ENOX1: variants seen among roughly 807,000 people sequenced by gnomAD.
ENOX1 encodes the protein candidate growth-related and time keeping constitutive hydroquinone (NADH) oxidase.
Under a neutral mutation model 82.5 loss-of-function variants are expected in ENOX1, and 42 were observed. The ratio of observed to expected loss-of-function variants is 0.51; its 90% CI spans 0.40 to 0.66. The LOEUF (loss-of-function observed/expected upper bound fraction) is 0.66, where lower values mean the gene tolerates loss of function less well. Ranked by LOEUF, ENOX1 falls within the 30% of genes least tolerant of loss-of-function variation. The pLI, the probability that ENOX1 is intolerant of heterozygous loss-of-function variation, is 0.00. For synonymous variants in ENOX1, 271 were observed against 282.2 expected (o/e 0.96, Z 0.40); for missense variants, 608 against 811.6 (o/e 0.75, Z 3.05).
chr13:43,650,660 G>A (rs1167235035), intron 2 of ENOX1, among the ~76,000 whole-genome samples: 1 of 2,552 alleles, frequency 3.9e-4, no homozygotes, highest in African/African-American at 4.4e-4. Context: ...GCAACATGGT[G>A]AAACCCGTCT....
chr13:43,590,789 AAC>A (rs1491041566), intron 2 of ENOX1, among the ~76,000 whole-genome samples: 1 of 151,670 alleles, frequency 6.6e-6, no homozygotes, highest in Admixed American at 6.6e-5. Flanking sequence ...AAAAAAAAAA[AAC>A]ATTGAAAATG....
intron 2 of ENOX1, among the ~76,000 whole-genome samples, chr13:43,528,761 A>G (rs1324117802): frequency 6.6e-6 from 1 of 152,038 alleles, no homozygotes; most frequent in African/African-American, 2.4e-5. Flanking sequence ...GCTTCACTGT[A>G]TTACAGAATC....
At chr13:43,616,133 TCTATCTAG>T (rs2082425491) in intron 2 of ENOX1, among the ~76,000 whole-genome samples, 3 of 39,982 alleles carry the variant, frequency 7.5e-5, no homozygotes, top group South Asian at 7.1e-4. Flanking sequence ...TAGATATCTA[TCTATCTAG>T]ATATCTATAT....
chr13:43,658,597 C>G (rs1159629365), intron 2 of ENOX1, among the ~76,000 whole-genome samples: 2 of 152,040 alleles, frequency 1.3e-5, no homozygotes, highest in Non-Finnish European at 2.9e-5. Context: ...TGATGCTATC[C>G]CCAAAGCCTC....
At chr13:43,677,017 C>T (rs1440178342) in intron 1 of ENOX1, among the ~76,000 whole-genome samples, 5 of 152,124 alleles carry the variant, frequency 3.3e-5, no homozygotes, top group South Asian at 2.1e-4. Context: ...AACTGCCCAC[C>T]GAGTCTCCCA....
chr13:43,651,082 G>A (rs1353283913), intron 2 of ENOX1, among the ~76,000 whole-genome samples: 2 of 152,164 alleles, frequency 1.3e-5, no homozygotes, highest in African/African-American at 4.8e-5. Flanking sequence ...TTCTATGACA[G>A]TTAGAAGGCT....
At chr13:43,399,981 C>T (rs925808008) in intron 5 of ENOX1, among the ~76,000 whole-genome samples, 1 of 152,044 alleles carries the variant, frequency 6.6e-6, no homozygotes, top group African/African-American at 2.4e-5. Flanking sequence ...TCCACTGCCA[C>T]TCTTGTAGGA....
chr13:43,330,479 G>A (rs2048355106), intron 9 of ENOX1, among the ~76,000 whole-genome samples: 1 of 151,972 alleles, frequency 6.6e-6, no homozygotes, highest in Admixed American at 6.6e-5. Context: ...TTTCTTTGAG[G>A]GATAACATTT....
At chr13:43,728,809 T>C (rs1289971841) in intron 1 of ENOX1, among the ~76,000 whole-genome samples, 1 of 152,194 alleles carries the variant, frequency 6.6e-6, no homozygotes, top group Non-Finnish European at 1.5e-5. Context: ...AAACACAAGC[T>C]GGAGAAAAAA....
intron 5 of ENOX1, among the ~76,000 whole-genome samples, chr13:43,363,356 G>C (rs1566608439): frequency 6.6e-6 from 1 of 151,974 alleles, no homozygotes; most frequent in Non-Finnish European, 1.5e-5. Context: ...CTATTTCAAA[G>C]TTTCCATCTA....
At chr13:43,604,005 T>C (rs371886477) in intron 2 of ENOX1, among the ~76,000 whole-genome samples, 26 of 145,486 alleles carry the variant, frequency 1.8e-4, no homozygotes, top group East Asian at 4.0e-4. Context: ...GTCCCACCAA[T>C]AGTGTAAAAG....
chr13:43,703,648 A>G (rs937822397), intron 1 of ENOX1, among the ~76,000 whole-genome samples: 4 of 152,200 alleles, frequency 2.6e-5, no homozygotes, highest in Non-Finnish European at 5.9e-5. Context: ...AATATATAAC[A>G]AACAGGCAAT....
intron 1 of ENOX1, among the ~76,000 whole-genome samples, chr13:43,775,842 G>A (rs926237942): frequency 6.6e-6 from 1 of 152,126 alleles, no homozygotes. Context: ...AATTCAAGTT[G>A]CTCTTTTGTG....
Position 43,272,085 on chromosome 13 carries a change from G to A in ENOX1, c.1447-2508C>T, listed in dbSNP as rs137967542. On this transcript the variant is annotated intron_variant, in intron 12 of 16. Transcript: ENST00000690772. Reference sequence around the variant, plus strand: ...TTTGAAATTCCCTTGAGATTTTACTGAGCTTGATTTATTATTATTTTTTAT... The same window carrying A: ...TTTGAAATTCCCTTGAGATTTTACTAAGCTTGATTTATTATTATTTTTTAT... Among the ~76,000 whole-genome samples, 923 of 152,156 alleles carry A rather than the reference G, an allele frequency of 6.1e-3. 16 individuals are homozygous for A. The highest frequency in any genetic ancestry group is 0.02 in the African/African-American group (848 of 41,512).
chr13:43,267,016 C>T (rs759055061), intron 13 of ENOX1, among the ~76,000 whole-genome samples: 1 of 152,196 alleles, frequency 6.6e-6, no homozygotes, highest in Non-Finnish European at 1.5e-5. Context: ...ACTCTGCTCT[C>T]GCTTTTTCTG....
chr13:43,673,175 G>GTATATATATA (rs58874702), intron 1 of ENOX1, among the ~76,000 whole-genome samples: 65 of 148,936 alleles, frequency 4.4e-4, no homozygotes, highest in East Asian at 3.8e-3. Context: ...TTGCATGTGT[G>GTATATATATA]TATATATATA....
intron 9 of ENOX1, among the ~76,000 whole-genome samples, chr13:43,335,422 A>AT (rs1456397433): frequency 6.6e-6 from 1 of 152,018 alleles, no homozygotes; most frequent in South Asian, 2.1e-4. Context: ...CTTTGTAAAA[A>AT]TTTTTTTTAT....
intron 5 of ENOX1, 51 bp downstream of exon 5, chr13:43,411,865 T>C: frequency 6.2e-7 from 1 of 1,607,258 alleles, no homozygotes; most frequent in Non-Finnish European, 8.5e-7. Context: ...ACCTGTCACC[T>C]ACACCCTTCG....
chr13:43,227,426 T>C (rs2042075792), intron 15 of ENOX1, among the ~76,000 whole-genome samples: 1 of 152,260 alleles, frequency 6.6e-6, no homozygotes, highest in Admixed American at 6.5e-5. Flanking sequence ...ATCTCCAGTA[T>C]ACTTGTTTAA....
Sources: gnomAD v4.1 joint callset for allele counts (sites outside exome capture counted in the v4.1 genomes callset) on GRCh38, gnomAD v4.1.1 for gene constraint, MANE v1.5 for transcripts, NCBI Gene and HGNC (gene_info 2026-07-23, HGNC 2026-07-21) for gene names.